The following LRP1B variants were observed in gnomAD, a reference collection of about 807,000 sequenced individuals.
LRP1B encodes the protein LDL receptor related protein 1B, also known as low-density lipoprotein receptor-related protein 1B.
In LRP1B, 217 loss-of-function variants were observed where a neutral mutation model predicts 556.6. The ratio of observed to expected loss-of-function variants is 0.39; its 90% CI spans 0.35 to 0.44. The LOEUF (loss-of-function observed/expected upper bound fraction) is 0.44, where lower values mean the gene tolerates loss of function less well. Among genes scored for constraint, LRP1B ranks in the 20% least tolerant of loss-of-function variants. LRP1B has a pLI of 1.00. For synonymous variants in LRP1B, 2,047 were observed against 1,865.8 expected (o/e 1.10, Z -2.50); for missense variants, 5,053 against 5,620.8 (o/e 0.90, Z 3.23).
chr2:140,814,109 G>C (rs1691023350), intron 31 of LRP1B, among the ~76,000 whole-genome samples: 1 of 152,108 alleles, frequency 6.6e-6, no homozygotes, highest in South Asian at 2.1e-4. Flanking sequence ...TGCTGAGCTA[G>C]GACTACAAAT....
intron 29 of LRP1B, among the ~76,000 whole-genome samples, chr2:140,842,951 T>C (rs1692154333): frequency 1.3e-5 from 2 of 152,240 alleles, no homozygotes; most frequent in East Asian, 3.9e-4. Flanking sequence ...AAGAATATTT[T>C]GTCAGTCTAA....
chr2:140,327,118 A>G (rs1367871007), intron 79 of LRP1B, among the ~76,000 whole-genome samples: 3 of 152,116 alleles, frequency 2.0e-5, no homozygotes, highest in African/African-American at 4.8e-5. Context: ...TACCTTAGGC[A>G]ACTGAAGAGT....
intron 1 of LRP1B, among the ~76,000 whole-genome samples, chr2:142,035,564 C>A (rs2105205069): frequency 6.6e-6 from 1 of 151,690 alleles, no homozygotes; most frequent in Admixed American, 6.6e-5. Flanking sequence ...AAGTTACTTT[C>A]TTTCTTATAT....
chr2:140,651,978 G>A (rs1004754631), intron 41 of LRP1B, among the ~76,000 whole-genome samples: 2 of 151,918 alleles, frequency 1.3e-5, no homozygotes, highest in African/African-American at 4.8e-5. Context: ...TTGAATATGG[G>A]TAAGCACAAG....
At chr2:142,100,964 G>A (rs1706547946) in intron 1 of LRP1B, among the ~76,000 whole-genome samples, 2 of 151,978 alleles carry the variant, frequency 1.3e-5, no homozygotes. Flanking sequence ...GAAAGAGAAA[G>A]GAAGAGAGGG....
At chr2:142,087,779 G>T (rs1449796079) in intron 1 of LRP1B, among the ~76,000 whole-genome samples, 1 of 151,912 alleles carries the variant, frequency 6.6e-6, no homozygotes, top group African/African-American at 2.4e-5. Flanking sequence ...TTAAGCCTAA[G>T]AACAGATAAT....
chr2:140,322,218 G>A (rs1680179726), intron 81 of LRP1B, 130 bp from the exon 82 acceptor site: 2 of 840,430 alleles, frequency 2.4e-6, no homozygotes, highest in East Asian at 2.7e-5. Flanking sequence ...TTCCACTGAT[G>A]TGGAGTATCT....
At chr2:140,316,454 T>C (rs1684522888) in intron 82 of LRP1B, among the ~76,000 whole-genome samples, 2 of 152,126 alleles carry the variant, frequency 1.3e-5, no homozygotes, top group South Asian at 4.1e-4. Flanking sequence ...CATACAATTC[T>C]GAGACTTGCC....
intron 3 of LRP1B, among the ~76,000 whole-genome samples, chr2:141,328,446 T>C (rs1687511996): frequency 6.6e-6 from 1 of 152,200 alleles, no homozygotes; most frequent in Non-Finnish European, 1.5e-5. Context: ...TCCTCCTCTC[T>C]CCTCATGCTC....
At chr2:142,118,725 T>A (rs1707357259) in intron 1 of LRP1B, among the ~76,000 whole-genome samples, 1 of 152,110 alleles carries the variant, frequency 6.6e-6, no homozygotes. Context: ...CTTTCTGCTG[T>A]TTTTATTTAC....
chr2:141,996,210 C>CA lies in LRP1B; in HGVS notation c.82+134437dup, dbSNP rs66563468. Among the ~76,000 whole-genome samples the CA allele has an allele frequency of 9.8e-3, 354 of 35,988 alleles. 3 individuals are homozygous for CA. Among genetic ancestry groups the CA allele is most frequent in the African/African-American group, 0.042 (324 of 7,804 alleles). The allele number at this position is 35,988 out of a possible 152,430, so 23.6% of individuals were successfully genotyped here. A position where few individuals can be genotyped will look rare whatever the true frequency, so the allele number is the denominator to read the frequency against. ...TCCAGCCTGGCAACAGAGCGAGACT[C>CA]AAAAAAAAAAAAAAAAAACGTTATA... On this transcript the variant is annotated intron_variant, in intron 1 of 90. Coordinates refer to ENST00000389484, the MANE Select transcript of LRP1B (RefSeq NM_018557.3).
intron 4 of LRP1B, among the ~76,000 whole-genome samples, chr2:141,251,825 A>G (rs1684272101): frequency 6.6e-6 from 1 of 152,140 alleles, no homozygotes; most frequent in South Asian, 2.1e-4. Flanking sequence ...ATAGATTAAG[A>G]AAACATATTT....
rs560887869 is a variant in LRP1B at position 141,136,683 on chromosome 2, T to A, written c.1013+51738A>T. On this transcript the variant is annotated intron_variant, in intron 7 of 90. Coordinates refer to ENST00000389484, the MANE Select transcript of LRP1B (RefSeq NM_018557.3). ...GATGGTAAATTAATTAGGAAAAAGG[T>A]ACCTATTATATTTGTAAGTATCTAC... is the stretch of plus-strand genomic sequence containing the variant. Among the ~76,000 whole-genome samples, 6 of 150,136 alleles carry A rather than the reference T, an allele frequency of 4.0e-5. No homozygotes were observed. In the South Asian group the frequency reaches 1.3e-3, roughly 31 times the overall value.
intron 7 of LRP1B, among the ~76,000 whole-genome samples, chr2:141,067,781 T>A (rs534094276): frequency 5.3e-5 from 8 of 152,132 alleles, no homozygotes; most frequent in African/African-American, 1.9e-4. Flanking sequence ...TTTCTCTCAA[T>A]AATCTCAACT....
intron 7 of LRP1B, among the ~76,000 whole-genome samples, chr2:141,152,313 T>A (rs1701944573): frequency 6.6e-6 from 1 of 152,020 alleles, no homozygotes; most frequent in Admixed American, 6.6e-5. Context: ...GGACAATAAC[T>A]AGGTTTCCAA....
chr2:142,012,413 G>T (rs1343232793), intron 1 of LRP1B, among the ~76,000 whole-genome samples: 4 of 152,066 alleles, frequency 2.6e-5, no homozygotes, highest in Non-Finnish European at 5.9e-5. Flanking sequence ...GCCATATTAT[G>T]ATCTGATAGG....
At chr2:140,985,881 T>C (rs866201939) in intron 17 of LRP1B, among the ~76,000 whole-genome samples, 4 of 152,078 alleles carry the variant, frequency 2.6e-5, no homozygotes, top group African/African-American at 9.6e-5. Flanking sequence ...TTTTGTTTTA[T>C]CTAAGAAAAA....
intron 7 of LRP1B, among the ~76,000 whole-genome samples, chr2:141,135,281 T>C (rs2105038657): frequency 6.6e-6 from 1 of 152,124 alleles, no homozygotes; most frequent in South Asian, 2.1e-4. Context: ...ATCTTTTCTG[T>C]AGAACACAAT....
Position 141,013,690 on chromosome 2 carries a change from T to C in LRP1B, c.2246A>G (p.Asn749Ser), listed in dbSNP as rs1697820209. 6.2e-7 allele frequency: 1 copy of C among 1,605,364 alleles called. No individual in the cohort carries two copies. The highest frequency in any genetic ancestry group is 1.7e-5 in the Admixed American group (1 of 58,518). The change falls in exon 14 of 91, where the codon AAT becomes AGT. Residue 749 changes from asparagine to serine, a missense_variant. Physicochemically the swap from Asn to Ser is conservative, Grantham distance 46. Around this residue, in one of 5 missense-constraint regions of LRP1B, gnomAD observed 3,619 missense variants for 3,931.9 expected, o/e 0.92. Transcript: ENST00000389484. ...CATATAATCAGTCCAGAACACATAATTTCCATGATGCGACAGTCCGAAAGG... is the reference window on the plus strand; with the variant it reads ...CATATAATCAGTCCAGAACACATAACTTCCATGATGCGACAGTCCGAAAGG... Reference protein sequence around the residue: ...NHPFGLSHHGNYVFWTDYMNG... With the variant: ...NHPFGLSHHGSYVFWTDYMNG...
Sources: allele counts gnomAD v4.1 joint callset (sites outside exome capture counted in the v4.1 genomes callset), GRCh38; gene constraint gnomAD v4.1.1; regional missense constraint gnomAD v4.1.1; transcripts MANE v1.5; gene names NCBI Gene and HGNC (gene_info 2026-07-23, HGNC 2026-07-21).